The following FAM151B variants were observed in gnomAD, a reference collection of about 807,000 sequenced individuals.
FAM151B encodes family with sequence similarity 151 member B.
A neutral mutation model predicts 31.2 loss-of-function variants in FAM151B; 24 were observed. The observed-to-expected ratio is 0.77, with a 90% CI of 0.56 to 1.08. The LOEUF is 1.08. Among genes scored for constraint, FAM151B ranks in the 50% least tolerant of loss-of-function variants. FAM151B has a pLI of 0.00. For missense variants in FAM151B, 293 were observed against 328.6 expected, an observed-to-expected ratio of 0.89 and a Z score of 0.84; for synonymous variants, 105 against 111.4, an observed-to-expected ratio of 0.94 and a Z score of 0.36.
At chr5:80,535,979 G>A (rs1745485630) in intron 5 of FAM151B, among the ~76,000 whole-genome samples, 1 of 152,136 alleles carries the variant, frequency 6.6e-6, no homozygotes. Context: ...ACAGGCATAT[G>A]AAAAGTTGCT....
chr5:80,525,888 A>G (rs1038222175), intron 5 of FAM151B, among the ~76,000 whole-genome samples: 6 of 152,018 alleles, frequency 3.9e-5, no homozygotes, highest in Non-Finnish European at 7.4e-5. Context: ...ATATATATAT[A>G]TATATATGAA....
At chr5:80,501,345 T>G (rs1057094370) in intron 1 of FAM151B, 3 of 1,259,856 alleles carry the variant, frequency 2.4e-6, no homozygotes, top group African/African-American at 1.5e-5. Context: ...TTGTAGAAGG[T>G]GGAGATGCTG....
At chr5:80,535,217 CA>C (rs1348626047) in intron 5 of FAM151B, among the ~76,000 whole-genome samples, 2 of 152,158 alleles carry the variant, frequency 1.3e-5, no homozygotes, top group African/African-American at 4.8e-5. Flanking sequence ...ATCAAAATTC[CA>C]ATGACATTCT....
At chr5:80,509,761 T>C (rs1717636513) in intron 2 of FAM151B, among the ~76,000 whole-genome samples, 1 of 152,252 alleles carries the variant, frequency 6.6e-6, no homozygotes, top group Non-Finnish European at 1.5e-5. Flanking sequence ...TCTCATTCTT[T>C]ATTATAAGCA....
intron 1 of FAM151B, among the ~76,000 whole-genome samples, chr5:80,490,460 C>G (rs1232246742): frequency 6.6e-6 from 1 of 152,190 alleles, no homozygotes; most frequent in Non-Finnish European, 1.5e-5. Context: ...GAGTATAATT[C>G]AGTGGTTTTA....
chr5:80,539,363 T>C (rs995265677), intron 5 of FAM151B, among the ~76,000 whole-genome samples: 1 of 104,718 alleles, frequency 9.5e-6, no homozygotes, highest in Non-Finnish European at 2.0e-5. Context: ...CTTGGTCTTA[T>C]TTAATGATTT....
chr5:80,530,876 G>GA lies in FAM151B; in HGVS notation c.671+8744dup, dbSNP rs577208743. Reference sequence around the variant, plus strand: ...ACCAATGACTTTCTTCACAGAATTGGAAAAAACTACTTTAAAATTCATATG... The same window carrying GA: ...ACCAATGACTTTCTTCACAGAATTGGAAAAAAACTACTTTAAAATTCATATG... On this transcript the variant is annotated intron_variant, in intron 5 of 5. Transcript: ENST00000282226. Among the ~76,000 whole-genome samples, 163 of 152,186 alleles carry GA rather than the reference G, an allele frequency of 1.1e-3. 1 individual carries two copies. The highest frequency in any genetic ancestry group is 2.0e-3 in the Non-Finnish European group (136 of 68,012).
chr5:80,540,420 A>G (rs1056466689), intron 5 of FAM151B, among the ~76,000 whole-genome samples: 1 of 152,118 alleles, frequency 6.6e-6, no homozygotes, highest in African/African-American at 2.4e-5. Flanking sequence ...ACTTTTTTCT[A>G]TGTGTTATTT....
At chr5:80,488,624 G>A (rs937468238) in intron 1 of FAM151B, among the ~76,000 whole-genome samples, 4 of 152,234 alleles carry the variant, frequency 2.6e-5, no homozygotes, top group African/African-American at 9.6e-5. Context: ...TTGGAATCAG[G>A]TGCTTCAACT....
intron 1 of FAM151B, among the ~76,000 whole-genome samples, chr5:80,494,796 G>T (rs1360969725): frequency 6.6e-6 from 1 of 152,092 alleles, no homozygotes; most frequent in African/African-American, 2.4e-5. Flanking sequence ...CTACAAGCAT[G>T]AGCCACTGTG....
intron 2 of FAM151B, among the ~76,000 whole-genome samples, chr5:80,504,889 G>A (rs957453066): frequency 6.6e-6 from 1 of 152,070 alleles, no homozygotes; most frequent in Non-Finnish European, 1.5e-5. Flanking sequence ...ACTTCATCCT[G>A]GGAAAATAAT....
chr5:80,521,582 C>G (rs1203701361), intron 4 of FAM151B, among the ~76,000 whole-genome samples: 1 of 152,036 alleles, frequency 6.6e-6, no homozygotes, highest in Non-Finnish European at 1.5e-5. Flanking sequence ...CTAGCATATA[C>G]CCCAAAGCAA....
At position 80,496,877 on chromosome 5, in the gene FAM151B, C is replaced by A. The variant is rs1005463787; in HGVS notation, c.26-4915C>A. ...CCAAGCCGGAGTGCAGTGGTGTGAT[C>A]TTGGCTCACTGCAACCTCTACCTCC... On this transcript the variant is annotated intron_variant, in intron 1 of 5. Coordinates refer to ENST00000282226, the MANE Select transcript of FAM151B (RefSeq NM_205548.3). Among the ~76,000 whole-genome samples, 41 of 121,264 alleles carry A rather than the reference C, an allele frequency of 3.4e-4. No homozygotes were observed. In the Admixed American group the frequency reaches 3.9e-3, roughly 12 times the overall value. 79.6% of individuals were successfully genotyped at this position (121,264 alleles called of 152,430 possible).
At chr5:80,506,131 A>G in intron 2 of FAM151B, 1 of 984,924 alleles carries the variant, frequency 1.0e-6, no homozygotes, top group Non-Finnish European at 1.2e-6. Flanking sequence ...TTGTAGCTCC[A>G]GGGGTGCATT....
intron 2 of FAM151B, among the ~76,000 whole-genome samples, chr5:80,507,816 A>G (rs896224215): frequency 6.6e-6 from 1 of 152,196 alleles, no homozygotes; most frequent in African/African-American, 2.4e-5. Context: ...GTGTTTTCAC[A>G]TTCCTAGAAA....
intron 5 of FAM151B, among the ~76,000 whole-genome samples, chr5:80,531,946 A>G (rs1011256147): frequency 9.2e-5 from 14 of 152,200 alleles, no homozygotes; most frequent in African/African-American, 3.4e-4. Flanking sequence ...ACATATGTTT[A>G]TTGTGGCACT....
At chr5:80,490,992 A>G (rs1743312565) in intron 1 of FAM151B, among the ~76,000 whole-genome samples, 1 of 152,208 alleles carries the variant, frequency 6.6e-6, no homozygotes, top group Non-Finnish European at 1.5e-5. Flanking sequence ...GGGTCAGCAA[A>G]TAGCAAACTT....
intron 1 of FAM151B, among the ~76,000 whole-genome samples, chr5:80,496,853 C>G (rs1376084549): frequency 8.1e-6 from 1 of 124,130 alleles, no homozygotes; most frequent in African/African-American, 3.1e-5. Flanking sequence ...CTCTGTCACC[C>G]AAGCCGGAGT....
intron 3 of FAM151B, among the ~76,000 whole-genome samples, chr5:80,515,069 T>A (rs1051206067): frequency 4.6e-5 from 7 of 151,824 alleles, no homozygotes; most frequent in African/African-American, 1.7e-4. Context: ...GTGAAACCCC[T>A]TCTCTACTAA....
Sources: allele counts gnomAD v4.1 joint callset (sites outside exome capture counted in the v4.1 genomes callset), GRCh38; gene constraint gnomAD v4.1.1; transcripts MANE v1.5; gene names NCBI Gene and HGNC (gene_info 2026-07-23, HGNC 2026-07-21).